The following LMNB1 variants were observed in gnomAD, a reference collection of about 807,000 sequenced individuals.
LMNB1 encodes the protein lamin B1.
LMNB1 carries 23 observed loss-of-function variants against 67.1 expected under a neutral mutation model. The observed-to-expected ratio is 0.34, with a 90% CI of 0.25 to 0.49. LMNB1 has a LOEUF of 0.49. Ranked by LOEUF, LMNB1 falls within the 20% of genes least tolerant of loss-of-function variation. LMNB1 has a pLI of 0.99. For missense variants in LMNB1, 634 were observed against 746.5 expected (o/e 0.85, Z 1.76); for synonymous variants, 281 against 282.9 (o/e 0.99, Z 0.07).
rs182824349 is a variant in LMNB1 at position 126,784,615 on chromosome 5, A to G, written c.359+6748A>G. On this transcript the variant is annotated intron_variant, in intron 1 of 10. Transcript: ENST00000261366. The stretch of plus-strand genomic sequence containing the variant: ...CGTGATCCACCCGCCTCGGCCTCCC[A>G]AAGTGCTGGGATTACAGGCGTGAGC... Among the ~76,000 whole-genome samples, 1,020 of 149,836 alleles carry G rather than the reference A, an allele frequency of 6.8e-3. 9 individuals are homozygous for G. Among genetic ancestry groups the G allele is most frequent in the African/African-American group, 0.024 (974 of 40,638 alleles).
chr5:126,782,386 C>CT (rs1289580079), intron 1 of LMNB1, among the ~76,000 whole-genome samples: 1 of 152,098 alleles, frequency 6.6e-6, no homozygotes, highest in Non-Finnish European at 1.5e-5. Flanking sequence ...AGTTAGCACT[C>CT]TATCATGAAA....
At chr5:126,785,302 T>A (rs916628603) in intron 1 of LMNB1, among the ~76,000 whole-genome samples, 3 of 128,832 alleles carry the variant, frequency 2.3e-5, no homozygotes, top group Non-Finnish European at 5.0e-5. Flanking sequence ...TTAATTTTTT[T>A]TTTTTTTAAT....
Position 126,836,811 on chromosome 5 carries a change from G to A in LMNB1, c.*547G>A, listed in dbSNP as rs960761092. ...AAGGCAATATTAACCTAATCACCAT[G>A]TAAGCACTCTGGATGATGGATTCCA... On this transcript the variant is annotated 3_prime_UTR_variant, in exon 11 of 11. Coordinates refer to ENST00000261366, the MANE Select transcript of LMNB1 (RefSeq NM_005573.4). 3.7e-6 allele frequency: 1 copy of A among 269,466 alleles called. No individual in the cohort carries two copies. The highest frequency in any genetic ancestry group is 6.8e-6 in the Non-Finnish European group (1 of 147,430). The allele number at this position is 269,466 out of a possible 1,614,324, so 16.7% of individuals were successfully genotyped here.
intron 9 of LMNB1, among the ~76,000 whole-genome samples, chr5:126,826,732 G>A (rs1752006578): frequency 6.6e-6 from 1 of 152,144 alleles, no homozygotes. Flanking sequence ...CGGCTAAAGT[G>A]TGCTTTGAAG....
At chr5:126,828,630 G>T (rs1244747119) in intron 9 of LMNB1, among the ~76,000 whole-genome samples, 4 of 150,824 alleles carry the variant, frequency 2.7e-5, no homozygotes. Context: ...AGGCTGGAGT[G>T]GAGTGGCATA....
chr5:126,812,140 T>C (rs560811691), intron 5 of LMNB1, among the ~76,000 whole-genome samples: 2 of 152,298 alleles, frequency 1.3e-5, no homozygotes, highest in African/African-American at 4.8e-5. Context: ...GACTTGCCCT[T>C]GAGGAAGGAG....
chr5:126,829,540 TCTC>T (rs1752078836), intron 9 of LMNB1, among the ~76,000 whole-genome samples: 1 of 151,652 alleles, frequency 6.6e-6, no homozygotes, highest in Non-Finnish European at 1.5e-5. Context: ...TACCACTTTC[TCTC>T]CTCGTTCCTG....
chr5:126,816,862 T>C (rs1751721707), intron 5 of LMNB1, among the ~76,000 whole-genome samples: 1 of 152,166 alleles, frequency 6.6e-6, no homozygotes, highest in African/African-American at 2.4e-5. Context: ...TCACTGGTGG[T>C]GTTTGGTTTA....
At chr5:126,801,189 T>C (rs1751280469) in intron 1 of LMNB1, among the ~76,000 whole-genome samples, 1 of 151,164 alleles carries the variant, frequency 6.6e-6, no homozygotes, top group African/African-American at 2.4e-5. Flanking sequence ...CTCACCGTGT[T>C]GCCCAGGCTA....
intron 1 of LMNB1, among the ~76,000 whole-genome samples, chr5:126,783,371 A>G (rs1561733266): frequency 6.6e-6 from 1 of 151,856 alleles, no homozygotes; most frequent in African/African-American, 2.4e-5. Flanking sequence ...ATAACTTAAA[A>G]TATAAGAGTT....
rs755396585 is a variant in LMNB1, at chr5:126,777,568, G to A, written c.60G>A (p.Thr20=). 7.4e-4 allele frequency: 1,092 copies of A among 1,474,578 alleles called. 1 individual carries two copies. The highest frequency in any genetic ancestry group is 1.2e-3 in the Middle Eastern group (6 of 4,850). The allele number at this position is 1,474,578 out of a possible 1,614,324, so 91.3% of individuals were successfully genotyped here. ...GCAGCCGCGCTGGCGGCCCCACCAC[G>A]CCGCTGAGCCCCACGCGCCTGTCGC... is the stretch of plus-strand genomic sequence containing the variant. The part of the protein sequence containing the change: ...RMGSRAGGPT[T]PLSPTRLSRL... Residue 20 remains threonine, a synonymous_variant, in exon 1 of 11, where the codon ACG becomes ACA. Transcript: ENST00000261366.
rs1381629199 is a variant in LMNB1 at position 126,777,727 on chromosome 5, T to G, written c.219T>G (p.Arg73=). 3.2e-6 allele frequency: 5 copies of G among 1,541,526 alleles called. No individual in the cohort carries two copies. Among genetic ancestry groups the G allele is most frequent in the Non-Finnish European group, 4.4e-6 (5 of 1,143,042 alleles). ...CGGAGCGCGAGGAGGTGCGCGGCCGTGAGCTCACCGGCCTCAAGGCGCTCT... is the reference window on the plus strand; with the variant it reads ...CGGAGCGCGAGGAGGTGCGCGGCCGGGAGCTCACCGGCCTCAAGGCGCTCT... ...QVTEREEVRG[R]ELTGLKALYE... is the part of the protein sequence containing the mutation. The change falls in exon 1 of 11, where the codon CGT becomes CGG. Residue 73 remains arginine, a synonymous_variant. Transcript: ENST00000261366.
intron 10 of LMNB1, 38 bp downstream of exon 10, chr5:126,832,839 T>C: frequency 7.5e-7 from 1 of 1,341,324 alleles, no homozygotes; most frequent in Non-Finnish European, 1.0e-6. Flanking sequence ...ATTTCAAATT[T>C]TATTCACAGA....
At chr5:126,825,503 C>T (rs1384542746) in intron 8 of LMNB1, among the ~76,000 whole-genome samples, 1 of 152,056 alleles carries the variant, frequency 6.6e-6, no homozygotes, top group Middle Eastern at 3.2e-3. Context: ...CTGTAGGCAG[C>T]CAGAGAACAT....
intron 1 of LMNB1, among the ~76,000 whole-genome samples, chr5:126,786,671 T>C (rs916752774): frequency 1.2e-4 from 19 of 152,322 alleles, no homozygotes; most frequent in Admixed American, 1.1e-3. Context: ...CTGTGGTTGG[T>C]ACTTGAAGTC....
intron 1 of LMNB1, among the ~76,000 whole-genome samples, chr5:126,782,352 TATAGATAGAGTTAGG>T (rs1469312726): frequency 2.0e-5 from 3 of 152,164 alleles, no homozygotes; most frequent in Admixed American, 2.0e-4. Flanking sequence ...CAGTGGGGTT[TATAGATAGAGTTAGG>T]GTAGATAGAG....
At chr5:126,822,498 C>T (rs1751893167) in intron 7 of LMNB1, among the ~76,000 whole-genome samples, 1 of 152,204 alleles carries the variant, frequency 6.6e-6, no homozygotes, top group African/African-American at 2.4e-5. Context: ...AAAGACCCAC[C>T]TTATCTAGCA....
At chr5:126,796,094 GGC>G (rs1391848421) in intron 1 of LMNB1, among the ~76,000 whole-genome samples, 2 of 151,548 alleles carry the variant, frequency 1.3e-5, no homozygotes, top group African/African-American at 4.9e-5. Flanking sequence ...CACTACGCCC[GGC>G]CAATTTTGTA....
At chr5:126,807,302 A>G (rs371137187) in intron 3 of LMNB1, among the ~76,000 whole-genome samples, 3 of 152,358 alleles carry the variant, frequency 2.0e-5, no homozygotes, top group African/African-American at 7.2e-5. Context: ...AACAGTGCAA[A>G]TAGGAATTCA....
Sources: allele counts gnomAD v4.1 joint callset (sites outside exome capture counted in the v4.1 genomes callset), GRCh38; gene constraint gnomAD v4.1.1; transcripts MANE v1.5; gene names NCBI Gene and HGNC (gene_info 2026-07-23, HGNC 2026-07-21).